Variants in FGF14 observed in about 807,000 individuals in gnomAD.
The protein encoded by FGF14 is fibroblast growth factor homologous factor 4.
Under a neutral mutation model 25.5 loss-of-function variants are expected in FGF14, and 5 were observed. That is an observed-to-expected ratio of 0.20 (90% CI 0.10 to 0.41). The LOEUF is 0.41. FGF14 is among the 10% of genes least tolerant of loss of function. The pLI is 1.00. For missense variants in FGF14, 222 were observed against 320.1 expected (o/e 0.69, Z 2.34); for synonymous variants, 138 against 118.3 (o/e 1.17, Z -1.08).
At chr13:101,737,258 G>A (rs1363855214) in intron 3 of FGF14, among the ~76,000 whole-genome samples, 1 of 151,918 alleles carries the variant, frequency 6.6e-6, no homozygotes, top group Non-Finnish European at 1.5e-5. Context: ...GGTTTTAATG[G>A]TGGCGATTAT....
intron 1 of FGF14, among the ~76,000 whole-genome samples, chr13:101,956,481 C>T (rs16959500): frequency 0.017 from 2,549 of 152,102 alleles, 38 homozygotes; most frequent in African/African-American, 0.04. Context: ...TGGAATGTAT[C>T]GGGAGACTGG....
intron 1 of FGF14, among the ~76,000 whole-genome samples, chr13:102,066,303 G>A (rs2042901363): frequency 2.0e-5 from 3 of 152,052 alleles, no homozygotes; most frequent in Non-Finnish European, 4.4e-5. Context: ...CTTTATCATT[G>A]TTACTGTAGC....
rs545025368 is a variant in FGF14, at chr13:102,393,245, T to C, written c.208+8226A>G. On this transcript the variant is annotated intron_variant, in intron 1 of 4. Transcript: ENST00000376131. ...ACAGAATTGTTCACCACATCATAAT[T>C]GATCCTGTCTTTTGTCTTTCCTGCT... 5.9e-5 allele frequency among the ~76,000 whole-genome samples: 9 copies of C among 152,304 alleles called. No individual in the cohort carries two copies. In the South Asian group the frequency reaches 1.9e-3, roughly 32 times the overall value.
Position 102,232,370 on chromosome 13 carries a change from T to A in FGF14, c.208+169101A>T, listed in dbSNP as rs1263374295. Among the ~76,000 whole-genome samples, 4 of 152,164 alleles carry A rather than the reference T, an allele frequency of 2.6e-5. No homozygotes were observed. In the East Asian group the frequency reaches 7.7e-4, roughly 29 times the overall value. On this transcript the variant is annotated intron_variant, in intron 1 of 4. Transcript: ENST00000376131. ...GTAAGTTGCAATGCTATATATCCTATCAAGCTATCACAAGAAATTTAAATA... is the reference window on the plus strand; with the variant it reads ...GTAAGTTGCAATGCTATATATCCTAACAAGCTATCACAAGAAATTTAAATA...
intron 3 of FGF14, among the ~76,000 whole-genome samples, chr13:101,740,715 C>G (rs1277984642): frequency 6.6e-6 from 1 of 151,762 alleles, no homozygotes; most frequent in East Asian, 1.9e-4. Context: ...GCTTTCTGTC[C>G]TTTTACAGAA....
intron 3 of FGF14, among the ~76,000 whole-genome samples, chr13:101,775,890 G>A (rs947739754): frequency 3.3e-5 from 5 of 152,082 alleles, no homozygotes; most frequent in Non-Finnish European, 5.9e-5. Flanking sequence ...TTCAGGCCAC[G>A]TTCACAAACT....
At chr13:102,309,067 T>C (rs2055576553) in intron 1 of FGF14, among the ~76,000 whole-genome samples, 1 of 151,688 alleles carries the variant, frequency 6.6e-6, no homozygotes, top group South Asian at 2.1e-4. Context: ...CTGATGTACT[T>C]GATACTTGGT....
intron 1 of FGF14, among the ~76,000 whole-genome samples, chr13:102,349,672 C>A (rs2057216082): frequency 6.6e-6 from 1 of 152,086 alleles, no homozygotes; most frequent in Non-Finnish European, 1.5e-5. Context: ...AGTCAGAAGG[C>A]TGAGAAGTGA....
At chr13:102,035,821 T>C (rs1302757165) in intron 1 of FGF14, among the ~76,000 whole-genome samples, 1 of 152,146 alleles carries the variant, frequency 6.6e-6, no homozygotes, top group African/African-American at 2.4e-5. Flanking sequence ...GTCACCAATA[T>C]TCCTTCTAGC....
At chr13:102,186,039 TG>T (rs781688861) in intron 1 of FGF14, among the ~76,000 whole-genome samples, 24 of 152,348 alleles carry the variant, frequency 1.6e-4, no homozygotes, top group Middle Eastern at 6.8e-3. Flanking sequence ...GTTCATTGCC[TG>T]GGCACATTTC....
intron 1 of FGF14, among the ~76,000 whole-genome samples, chr13:101,945,436 C>T (rs1202520896): frequency 6.6e-6 from 1 of 152,196 alleles, no homozygotes; most frequent in East Asian, 1.9e-4. Flanking sequence ...TTGCTCTACT[C>T]CTGTTGTATT....
chr13:101,793,024 T>C (rs1241678328), intron 3 of FGF14, among the ~76,000 whole-genome samples: 1 of 152,106 alleles, frequency 6.6e-6, no homozygotes, highest in East Asian at 1.9e-4. Flanking sequence ...CAAAAACATT[T>C]CAGAATTACT....
chr13:101,745,575 C>T lies in FGF14; in HGVS notation c.409-18765G>A, dbSNP rs541826098. ...CTTTTTACTGTCTCCATAATTTTGCCTTTTCCAGAATGTCATATAGTTGAA... is the reference window on the plus strand; with the variant it reads ...CTTTTTACTGTCTCCATAATTTTGCTTTTTCCAGAATGTCATATAGTTGAA... On this transcript the variant is annotated intron_variant, in intron 3 of 4. Transcript: ENST00000376143. Among the ~76,000 whole-genome samples, 22 of 152,146 alleles carry T rather than the reference C, an allele frequency of 1.4e-4. No homozygotes were observed. In the South Asian group the frequency reaches 4.4e-3, roughly 30 times the overall value.
intron 1 of FGF14, among the ~76,000 whole-genome samples, chr13:102,143,112 A>G (rs576167599): frequency 3.9e-5 from 6 of 152,276 alleles, no homozygotes; most frequent in African/African-American, 1.4e-4. Flanking sequence ...TGACACAGAT[A>G]CCCACTTATC....
Position 102,140,052 on chromosome 13 carries a change from C to T in FGF14, c.208+261419G>A, listed in dbSNP as rs114573818. Among the ~76,000 whole-genome samples, 11 of 144,894 alleles carry T rather than the reference C, an allele frequency of 7.6e-5. No individual in the cohort carries two copies. The South Asian group carries it at 9.4e-4, about 12-fold the overall frequency. On this transcript the variant is annotated intron_variant, in intron 1 of 4. Coordinates refer to the FGF14 transcript ENST00000376131. Reference sequence around the variant, plus strand: ...GGTCAAACTCTTCAAGACCCCCCCCCCCCCTTACAGCAGTAAGTCATCCGT... The same window carrying T: ...GGTCAAACTCTTCAAGACCCCCCCCTCCCCTTACAGCAGTAAGTCATCCGT...
intron 1 of FGF14, among the ~76,000 whole-genome samples, chr13:102,392,314 C>T (rs1352339731): frequency 6.6e-6 from 1 of 152,192 alleles, no homozygotes; most frequent in Non-Finnish European, 1.5e-5. Context: ...CTTTTAATTG[C>T]ACTACTTGAC....
At chr13:102,087,935 T>G (rs557183548) in intron 1 of FGF14, among the ~76,000 whole-genome samples, 1 of 152,312 alleles carries the variant, frequency 6.6e-6, no homozygotes, top group African/African-American at 2.4e-5. Flanking sequence ...TGTATGCAGA[T>G]GTTTGCCTGA....
upstream of FGF14, among the ~76,000 whole-genome samples, chr13:101,920,436 A>G (rs1391380597): frequency 6.6e-6 from 1 of 152,050 alleles, no homozygotes; most frequent in Non-Finnish European, 1.5e-5. Flanking sequence ...CTCAGCCTCA[A>G]TTTCTTCATC....
chr13:101,897,615 G>T (rs953290838), intron 1 of FGF14, among the ~76,000 whole-genome samples: 3 of 152,162 alleles, frequency 2.0e-5, no homozygotes, highest in Non-Finnish European at 2.9e-5. Flanking sequence ...CTTTATTAGA[G>T]ACTTTTTCAG....
Sources: allele counts gnomAD v4.1 joint callset (sites outside exome capture counted in the v4.1 genomes callset), GRCh38; gene constraint gnomAD v4.1.1; transcripts MANE v1.5; gene names NCBI Gene and HGNC (gene_info 2026-07-23, HGNC 2026-07-21).